Variants in EEF1AKMT2 observed in about 807,000 individuals in gnomAD.
EEF1AKMT2 encodes eukaryotic translation elongation factor 1 alpha lysine methyltransferase 2.
A neutral mutation model predicts 35.8 loss-of-function variants in EEF1AKMT2; 32 were observed. That is an observed-to-expected ratio of 0.89 (90% confidence interval 0.67 to 1.20). EEF1AKMT2 has a LOEUF of 1.20. EEF1AKMT2 is among the 50% of genes most tolerant of loss of function. EEF1AKMT2 has a pLI of 0.00. For synonymous variants in EEF1AKMT2, 121 were observed against 133.7 expected (o/e 0.91, Z 0.65); for missense variants, 330 against 347.5 (o/e 0.95, Z 0.40).
chr10:124,770,522 A>T (rs923579865), intron 4 of EEF1AKMT2, among the ~76,000 whole-genome samples: 3 of 152,216 alleles, frequency 2.0e-5, no homozygotes, highest in Non-Finnish European at 4.4e-5. Flanking sequence ...CTCAATAAGG[A>T]TGCCTGCTGA....
intron 3 of EEF1AKMT2, among the ~76,000 whole-genome samples, chr10:124,779,290 C>A (rs1950515844): frequency 6.6e-6 from 1 of 152,182 alleles, no homozygotes; most frequent in Non-Finnish European, 1.5e-5. Context: ...CACCACGACA[C>A]CTGGCTATTT....
In EEF1AKMT2 at chr10:124,760,286, C is replaced by CACT. The variant is rs1950319471; in HGVS notation, c.*216_*217insAGT. The CACT allele has an allele frequency of 6.8e-6, 4 of 586,018 alleles. No individual in the cohort carries two copies. The highest frequency in any genetic ancestry group is 1.2e-5 in the Non-Finnish European group (4 of 327,630). 36.3% of individuals were successfully genotyped at this position (586,018 alleles called of 1,614,324 possible). On this transcript the variant is annotated 3_prime_UTR_variant, in exon 7 of 7. Transcript: ENST00000368836. ...TATTTTCTTTCACCAATCCAGTATA[C>CACT]TCTATTCAACATGTGCATCCTGTGT...
chr10:124,760,511 A>G lies in EEF1AKMT2; in HGVS notation c.*-8T>C. 6.2e-7 allele frequency: 1 copy of G among 1,610,586 alleles called. No individual in the cohort carries two copies. Among genetic ancestry groups the G allele is most frequent in the Non-Finnish European group, 8.5e-7 (1 of 1,177,052 alleles). ...CTTCGAGAAGTTCAAATCCTGTCAG[A>G]CAAAATTTAAATACTTTTATTAAGA... On this transcript the variant is annotated splice_region_variant and splice_polypyrimidine_tract_variant and intron_variant, in intron 6 of 6. Transcript: ENST00000368836.
intron 3 of EEF1AKMT2, among the ~76,000 whole-genome samples, chr10:124,785,246 CAAAAAA>C (rs35915292): frequency 2.3e-4 from 14 of 61,378 alleles, no homozygotes; most frequent in East Asian, 2.1e-3. Context: ...GACTCCGTCT[CAAAAAA>C]AAAAAAAAAA....
intron 4 of EEF1AKMT2, among the ~76,000 whole-genome samples, chr10:124,771,799 G>A (rs1197760723): frequency 6.6e-6 from 1 of 152,120 alleles, no homozygotes; most frequent in East Asian, 1.9e-4. Flanking sequence ...AACCTGGGAG[G>A]CAGAGCTTGC....
At chr10:124,769,365 T>C (rs1439796286) in intron 4 of EEF1AKMT2, among the ~76,000 whole-genome samples, 1 of 151,376 alleles carries the variant, frequency 6.6e-6, no homozygotes, top group Non-Finnish European at 1.5e-5. Flanking sequence ...GTGTTATTAG[T>C]AGAAACGGGA....
intron 2 of EEF1AKMT2, among the ~76,000 whole-genome samples, chr10:124,789,961 A>G (rs1950620039): frequency 6.6e-6 from 1 of 150,660 alleles, no homozygotes; most frequent in Admixed American, 6.6e-5. Flanking sequence ...GCGCGATCTC[A>G]GCTCACTGCA....
chr10:124,773,154 C>T (rs1950453067), intron 4 of EEF1AKMT2, among the ~76,000 whole-genome samples: 1 of 152,126 alleles, frequency 6.6e-6, no homozygotes, highest in Non-Finnish European at 1.5e-5. Flanking sequence ...TGAACACTTA[C>T]AGGCCACTGT....
In EEF1AKMT2 at chr10:124,772,112, C is replaced by T. The variant is rs182425521; in HGVS notation, c.399+2563G>A. On this transcript the variant is annotated intron_variant, in intron 4 of 6. Coordinates refer to ENST00000368836, the MANE Select transcript of EEF1AKMT2 (RefSeq NM_212554.4). ...TAATTCTTACGGGCCCTCAGATTTT[C>T]GGAATGGGAAATGGGCATTGGCTTC... Among the ~76,000 whole-genome samples the T allele has an allele frequency of 8.2e-4, 125 of 152,264 alleles. 1 individual carries two copies. Among genetic ancestry groups the T allele is most frequent in the African/African-American group, 2.9e-3 (121 of 41,558 alleles).
downstream of EEF1AKMT2, among the ~76,000 whole-genome samples, chr10:124,757,296 T>C (rs1950294531): frequency 6.6e-6 from 1 of 151,456 alleles, no homozygotes; most frequent in Non-Finnish European, 1.5e-5. Context: ...ACACGTTAGC[T>C]TACAGAGCCA....
intron 2 of EEF1AKMT2, among the ~76,000 whole-genome samples, chr10:124,789,960 C>T (rs867073585): frequency 6.6e-6 from 1 of 151,136 alleles, no homozygotes; most frequent in Non-Finnish European, 1.5e-5. Context: ...GGCGCGATCT[C>T]AGCTCACTGC....
At chr10:124,774,806 T>A in intron 3 of EEF1AKMT2, 24 bp from the exon 4 acceptor site, 14 of 1,116,088 alleles carry the variant, frequency 1.3e-5, no homozygotes, top group Non-Finnish European at 1.7e-5. Flanking sequence ...ATTTTATACT[T>A]TAGTATAAAA....
At chr10:124,781,321 G>C (rs564829841) in intron 3 of EEF1AKMT2, among the ~76,000 whole-genome samples, 1 of 151,756 alleles carries the variant, frequency 6.6e-6, no homozygotes, top group Non-Finnish European at 1.5e-5. Flanking sequence ...GCTCACGCCT[G>C]TTATCCCAGC....
intron 3 of EEF1AKMT2, chr10:124,782,989 A>G: frequency 2.3e-6 from 1 of 427,752 alleles, no homozygotes; most frequent in Non-Finnish European, 4.6e-6. Context: ...AATTCACTTC[A>G]AATATAATAA....
In EEF1AKMT2 at chr10:124,785,627, C is replaced by T. The variant is rs142475475; in HGVS notation, c.291+3416G>A. The stretch of plus-strand genomic sequence containing the variant: ...AAGATAAACAGGCCAGGCGTGGTGG[C>T]TCACGCTTGTAATCCAAGCACTTCA... On this transcript the variant is annotated intron_variant, in intron 3 of 6. Transcript: ENST00000368836. Among the ~76,000 whole-genome samples, 1,365 of 152,186 alleles carry T rather than the reference C, an allele frequency of 9.0e-3. 8 individuals carry two copies. Among genetic ancestry groups the T allele is most frequent in the Middle Eastern group, 0.024 (7 of 294 alleles).
chr10:124,790,365 A>C, intron 1 of EEF1AKMT2, 27 bp from the exon 2 acceptor site: 1 of 1,503,626 alleles, frequency 6.7e-7, no homozygotes, highest in Non-Finnish European at 9.3e-7. Flanking sequence ...ATGCAAAGCA[A>C]GACTCTTGAA....
At chr10:124,777,303 AAGAC>A (rs1950496115) in intron 3 of EEF1AKMT2, among the ~76,000 whole-genome samples, 1 of 152,042 alleles carries the variant, frequency 6.6e-6, no homozygotes, top group Non-Finnish European at 1.5e-5. Flanking sequence ...AAAAGAAAAA[AAGAC>A]AGAATATAGC....
chr10:124,779,469 G>A (rs1950517521), intron 3 of EEF1AKMT2, among the ~76,000 whole-genome samples: 1 of 151,922 alleles, frequency 6.6e-6, no homozygotes, highest in South Asian at 2.1e-4. Flanking sequence ...AATAGTGGCT[G>A]GGCGCAGTGG....
chr10:124,783,911 G>C (rs564226983), intron 3 of EEF1AKMT2, among the ~76,000 whole-genome samples: 1 of 152,076 alleles, frequency 6.6e-6, no homozygotes, highest in Non-Finnish European at 1.5e-5. Context: ...CGCAACCTCC[G>C]CCTCCCAGGT....
Sources: gnomAD v4.1 joint callset for allele counts (sites outside exome capture counted in the v4.1 genomes callset) on GRCh38, gnomAD v4.1.1 for gene constraint, MANE v1.5 for transcripts, NCBI Gene and HGNC (gene_info 2026-07-23, HGNC 2026-07-21) for gene names.